BRF1: variants seen among roughly 807,000 people sequenced by gnomAD.
BRF1 encodes transcription factor IIIB 90 kDa subunit.
In BRF1, 59 loss-of-function variants were observed where a neutral mutation model predicts 81.7. That is an observed-to-expected ratio of 0.72 (90% confidence interval 0.59 to 0.90). The LOEUF (loss-of-function observed/expected upper bound fraction) is 0.90. Among genes scored for constraint, BRF1 ranks in the 40% least tolerant of loss-of-function variants. The pLI is 0.00. For synonymous variants in BRF1, 491 were observed against 395.6 expected, an observed-to-expected ratio of 1.24 and a Z score of -2.86; for missense variants, 1,050 against 936.3, an observed-to-expected ratio of 1.12 and a Z score of -1.58.
At chr14:105,211,707 A>T (rs1283463648) in intron 16 of BRF1, 2 of 343,602 alleles carry the variant, frequency 5.8e-6, no homozygotes, top group East Asian at 1.3e-4. Context: ...ACCTGCCAGC[A>T]CCTTCACCCT....
At chr14:105,225,900 C>T (rs1015245395) in intron 10 of BRF1, among the ~76,000 whole-genome samples, 169 bp downstream of exon 10, 2 of 152,240 alleles carry the variant, frequency 1.3e-5, no homozygotes, top group Non-Finnish European at 2.9e-5. Context: ...CCTGCCTCAG[C>T]CTCCTAAAGT....
chr14:105,217,705 C>G lies in BRF1; in HGVS notation c.1611G>C (p.Lys537Asn). Residue 537 changes from lysine (K) to asparagine (N), a missense_variant, in exon 15 of 18, where the codon AAG (lysine) becomes AAC (asparagine). Coordinates refer to ENST00000547530, the MANE Select transcript of BRF1 (RefSeq NM_001519.4). ...KMLEQKKISS[K>N]INYSVLRGLS... ...GGCCCCGGAGCACGCTATAATTGAT[C>G]TTGCTGGAGATCTTCTTCTGCTCCA... 6.2e-7 allele frequency: 1 copy of G among 1,613,446 alleles called. No individual in the cohort carries two copies. Among genetic ancestry groups the G allele is most frequent in the Non-Finnish European group, 8.5e-7 (1 of 1,180,022 alleles).
upstream of BRF1, among the ~76,000 whole-genome samples, chr14:105,302,204 C>CTTTT (rs1274491955): frequency 1.5e-5 from 2 of 132,784 alleles, no homozygotes; most frequent in South Asian, 2.6e-4. Context: ...TTTTTTCTTT[C>CTTTT]TTTTTTTTTT....
At chr14:105,254,509 G>A (rs1386005681) in intron 4 of BRF1, among the ~76,000 whole-genome samples, 4 of 151,664 alleles carry the variant, frequency 2.6e-5, no homozygotes, top group African/African-American at 7.3e-5. Flanking sequence ...TGCCCGCCTC[G>A]GCCTCCCAAA....
intron 1 of BRF1, among the ~76,000 whole-genome samples, chr14:105,293,137 C>A (rs1409282651): frequency 6.6e-6 from 1 of 152,160 alleles, no homozygotes; most frequent in Non-Finnish European, 1.5e-5. Flanking sequence ...AGGACTAGAG[C>A]CCCGCCAGGA....
At chr14:105,219,955 CG>C in intron 12 of BRF1, 113 bp downstream of exon 12, 2 of 1,126,588 alleles carry the variant, frequency 1.8e-6, no homozygotes, top group Non-Finnish European at 2.6e-6. Context: ...CTTCACCCAG[CG>C]GGGTGGGCTC....
chr14:105,291,574 C>T (rs890391416), intron 1 of BRF1, among the ~76,000 whole-genome samples: 2 of 151,216 alleles, frequency 1.3e-5, no homozygotes, highest in East Asian at 1.9e-4. Flanking sequence ...CCCAGCTACT[C>T]GGGAGGCTGA....
chr14:105,298,905 T>G (rs2057855025), intron 1 of BRF1, among the ~76,000 whole-genome samples: 1 of 147,482 alleles, frequency 6.8e-6, no homozygotes, highest in Non-Finnish European at 1.5e-5. Context: ...GCGCAGTGGC[T>G]CACGCCTGTA....
intron 2 of BRF1, among the ~76,000 whole-genome samples, chr14:105,280,963 G>A (rs2140446275): frequency 6.8e-6 from 1 of 146,882 alleles, no homozygotes; most frequent in Non-Finnish European, 1.5e-5. Context: ...GAGCCCAGGT[G>A]TGTGGACAGA....
intron 2 of BRF1, among the ~76,000 whole-genome samples, chr14:105,285,300 G>A (rs1487233859): frequency 6.6e-6 from 1 of 152,198 alleles, no homozygotes; most frequent in Non-Finnish European, 1.5e-5. Flanking sequence ...AGCGTGGAAC[G>A]GGCACCAGGA....
intron 10 of BRF1, among the ~76,000 whole-genome samples, chr14:105,224,120 G>A (rs972019282): frequency 3.3e-5 from 5 of 152,152 alleles, no homozygotes; most frequent in East Asian, 1.9e-4. Flanking sequence ...CTGTAATCCC[G>A]CACTTTGGCG....
intron 1 of BRF1, among the ~76,000 whole-genome samples, chr14:105,311,219 G>A (rs1857213851): frequency 6.6e-6 from 1 of 152,066 alleles, no homozygotes; most frequent in Non-Finnish European, 1.5e-5. Context: ...CTCCCAAAGT[G>A]CTAAGATTAC....
chr14:105,219,822 C>T, intron 12 of BRF1: 1 of 571,414 alleles, frequency 1.8e-6, no homozygotes, highest in East Asian at 2.9e-5. Context: ...AGGCTATGTG[C>T]CGAGGGCCGC....
chr14:105,289,654 G>A (rs918403289), intron 1 of BRF1, among the ~76,000 whole-genome samples: 4 of 150,210 alleles, frequency 2.7e-5, no homozygotes, highest in African/African-American at 7.3e-5. Context: ...TTTTTTTTTT[G>A]AGACGGAGTC....
At chr14:105,267,998 T>C (rs1039714277) in intron 3 of BRF1, among the ~76,000 whole-genome samples, 12 of 152,204 alleles carry the variant, frequency 7.9e-5, no homozygotes, top group Non-Finnish European at 4.4e-5. Context: ...TGGCAGGCCA[T>C]GGAAGCTGGG....
intron 15 of BRF1, 48 bp from the exon 16 acceptor site, chr14:105,212,212 G>A (rs756181206): frequency 1.4e-5 from 23 of 1,586,532 alleles, no homozygotes; most frequent in Admixed American, 3.5e-5. Context: ...GCTCCCGAAC[G>A]CCTGCCCACT....
intron 3 of BRF1, among the ~76,000 whole-genome samples, chr14:105,260,662 C>T (rs116038990): frequency 5.9e-5 from 9 of 152,158 alleles, no homozygotes; most frequent in African/African-American, 1.7e-4. Context: ...AGACATAAGC[C>T]ACCAAGCTCC....
In BRF1 at chr14:105,241,398, A is replaced by C; in HGVS notation, c.561T>G (p.Ile187Met). The part of the protein sequence containing the change: ...NAPAIDPCLY[I>M]PRFAHLLEFG... Reference sequence around the variant, plus strand: ...ATTCCAGCAGGTGCGCAAAGCGTGGAATATACAGGCACGGGTCTGCGGCAG... The same window carrying C: ...ATTCCAGCAGGTGCGCAAAGCGTGGCATATACAGGCACGGGTCTGCGGCAG... Residue 187 changes from isoleucine to methionine, a missense_variant, in exon 6 of 18, where the codon ATT becomes ATG. Ile to Met is a conservative substitution (Grantham distance 10). Around this residue, in one of 2 missense-constraint regions of BRF1, gnomAD observed 1,043 missense variants for 915.4 expected, o/e 1.14. Coordinates refer to ENST00000547530, the MANE Select transcript of BRF1 (RefSeq NM_001519.4). The C allele has an allele frequency of 6.2e-7, 1 of 1,612,474 alleles. No individual in the cohort carries two copies. The highest frequency in any genetic ancestry group is 8.5e-7 in the Non-Finnish European group (1 of 1,179,916).
intron 5 of BRF1, chr14:105,248,572 G>A (rs2055307267): frequency 3.8e-6 from 1 of 266,656 alleles, no homozygotes; most frequent in Non-Finnish European, 4.6e-6. Flanking sequence ...TACGGGCTCG[G>A]GCGGGCGGGC....
Sources: gnomAD v4.1 joint callset for allele counts (sites outside exome capture counted in the v4.1 genomes callset) on GRCh38, gnomAD v4.1.1 for gene constraint, gnomAD v4.1.1 regional missense constraint, MANE v1.5 for transcripts, NCBI Gene and HGNC (gene_info 2026-07-23, HGNC 2026-07-21) for gene names.